The following AFG3L2 variants were observed in gnomAD, a reference collection of about 807,000 sequenced individuals.
The protein encoded by AFG3L2 is AFG3 like matrix AAA peptidase subunit 2, also known as mitochondrial inner membrane m-AAA protease component AFG3L2.
Under a neutral mutation model 94.5 loss-of-function variants are expected in AFG3L2, and 54 were observed. That is an observed-to-expected ratio of 0.57 (90% CI 0.46 to 0.72). AFG3L2 has a LOEUF of 0.72. Ranked by LOEUF, AFG3L2 falls within the 30% of genes least tolerant of loss-of-function variation. AFG3L2 has a pLI of 0.00. For missense variants in AFG3L2, 754 were observed against 994.9 expected (o/e 0.76, Z 3.26); for synonymous variants, 377 against 365.5 (o/e 1.03, Z -0.36).
intron 14 of AFG3L2, 31 bp downstream of exon 14, chr18:12,344,101 C>T (rs1457311735): frequency 6.3e-7 from 1 of 1,580,756 alleles, no homozygotes; most frequent in African/African-American, 1.3e-5. Context: ...CACCCATGCA[C>T]TGGCTGCCTA....
At position 12,363,845 on chromosome 18, in the gene AFG3L2, C is replaced by T. The variant is rs1908731166; in HGVS notation, c.564G>A (p.Leu188=). The T allele has an allele frequency of 6.2e-7, 1 of 1,612,428 alleles. No individual in the cohort carries two copies. The highest frequency in any genetic ancestry group is 1.7e-5 in the Admixed American group (1 of 59,998). ...NYLSKGVVDR[L]EVVNKRFVRV... ...GAACAAAACGCTTGTTGACGACTTC[C>T]AATCTGTCTACCTAGAATTTTAAAA... The change falls in exon 6 of 17, where the codon TTG becomes TTA. Residue 188 remains leucine (L), a synonymous_variant. Coordinates refer to ENST00000269143, the MANE Select transcript of AFG3L2 (RefSeq NM_006796.3).
At chr18:12,362,060 G>A (rs1332913189) in intron 6 of AFG3L2, among the ~76,000 whole-genome samples, 1 of 152,240 alleles carries the variant, frequency 6.6e-6, no homozygotes, top group Non-Finnish European at 1.5e-5. Flanking sequence ...GAACCTCTGT[G>A]GGGATGGGGT....
intron 16 of AFG3L2, among the ~76,000 whole-genome samples, chr18:12,335,556 C>T (rs1481227129): frequency 6.6e-6 from 1 of 152,166 alleles, no homozygotes; most frequent in African/African-American, 2.4e-5. Flanking sequence ...TTCTTTTTCC[C>T]TGGGTACATC....
intron 10 of AFG3L2, 114 bp downstream of exon 10, chr18:12,352,891 G>A (rs1908362681): frequency 2.1e-6 from 3 of 1,438,588 alleles, no homozygotes; most frequent in Non-Finnish European, 2.9e-6. Flanking sequence ...GGGGTCAGAG[G>A]ATGCAGTGAG....
At chr18:12,374,560 G>A (rs945899755) in intron 1 of AFG3L2, among the ~76,000 whole-genome samples, 2 of 152,098 alleles carry the variant, frequency 1.3e-5, no homozygotes, top group African/African-American at 2.4e-5. Context: ...TCAGGACCGC[G>A]AACCCCCACA....
intron 14 of AFG3L2, chr18:12,341,516 T>G (rs1367742792): frequency 6.6e-6 from 1 of 152,166 alleles, no homozygotes; most frequent in Non-Finnish European, 1.5e-5. Flanking sequence ...TGCAAATAAA[T>G]GAAATTGTAT....
Position 12,376,876 on chromosome 18 carries a change from G to A in AFG3L2, c.114+93C>T, listed in dbSNP as rs908794180. 7 of 1,002,584 alleles carry A rather than the reference G, an allele frequency of 7.0e-6. No individual in the cohort carries two copies. In the East Asian group the frequency reaches 1.0e-4, roughly 15 times the overall value. The allele number at this position is 1,002,584 out of a possible 1,614,324, so 62.1% of individuals were successfully genotyped here. A position where few individuals can be genotyped will look rare whatever the true frequency, so the allele number is the denominator to read the frequency against. On this transcript the variant is annotated intron_variant, in intron 1 of 16. Transcript: ENST00000269143. Reference sequence around the variant, plus strand: ...CAGGGACGGCCCGCGTGCGGCCGGAGGGCGGGGGCCAGTGACCTTGACGTC... The same window carrying A: ...CAGGGACGGCCCGCGTGCGGCCGGAAGGCGGGGGCCAGTGACCTTGACGTC...
chr18:12,366,242 T>C lies in AFG3L2; in HGVS notation c.552+723A>G, dbSNP rs1023900604. On this transcript the variant is annotated intron_variant, in intron 5 of 16. Coordinates refer to ENST00000269143, the MANE Select transcript of AFG3L2 (RefSeq NM_006796.3). Reference sequence around the variant, plus strand: ...TCAGAAATGGAGATCCATTTTACAATTGATGGCATGTCATAATTTCATCAG... The same window carrying C: ...TCAGAAATGGAGATCCATTTTACAACTGATGGCATGTCATAATTTCATCAG... Among the ~76,000 whole-genome samples, 22 of 152,234 alleles carry C rather than the reference T, an allele frequency of 1.4e-4. 1 individual carries two copies. Among genetic ancestry groups the C allele is most frequent in the Admixed American group, 8.5e-4 (13 of 15,288 alleles).
intron 9 of AFG3L2, among the ~76,000 whole-genome samples, chr18:12,353,508 C>A (rs1908388367): frequency 1.1e-5 from 1 of 89,538 alleles, no homozygotes; most frequent in African/African-American, 4.3e-5. Flanking sequence ...GAGCGAAATT[C>A]TGTCTCAAAA....
intron 16 of AFG3L2, among the ~76,000 whole-genome samples, chr18:12,335,252 A>C (rs1484512607): frequency 1.3e-5 from 2 of 152,192 alleles, no homozygotes; most frequent in Non-Finnish European, 2.9e-5. Flanking sequence ...CCAACCTGAG[A>C]CAAATGTGTA....
chr18:12,343,106 A>G (rs1321658497), intron 14 of AFG3L2: 3 of 152,210 alleles, frequency 2.0e-5, no homozygotes, highest in East Asian at 3.9e-4. Context: ...GTCCACCTCT[A>G]TTTTTATTTA....
rs146886797 is a variant in AFG3L2 at position 12,370,854 on chromosome 18, T to C, written c.287A>G (p.Lys96Arg). ...ASEPKEVMGE[K>R]KESKPAATTR... is the part of the protein sequence containing the mutation. Reference sequence around the variant, plus strand: ...ATAATATTGTCAAAAGGTACCTTTTTTCTCTCCCATAACTTCTTTAGGTTC... The same window carrying C: ...ATAATATTGTCAAAAGGTACCTTTTCTCTCTCCCATAACTTCTTTAGGTTC... Residue 96 changes from lysine (K) to arginine (R), a missense_variant, in exon 3 of 17, where the codon AAA (lysine) becomes AGA (arginine). Around this residue, in one of 4 missense-constraint regions of AFG3L2, gnomAD observed 236 missense variants for 214.0 expected, o/e 1.10. Transcript: ENST00000269143. 1 of 1,578,350 alleles carries C rather than the reference T, an allele frequency of 6.3e-7. No individual in the cohort carries two copies. Among genetic ancestry groups the C allele is most frequent in the Non-Finnish European group, 8.7e-7 (1 of 1,149,958 alleles).
intron 6 of AFG3L2, among the ~76,000 whole-genome samples, chr18:12,362,739 G>A (rs1431077175): frequency 2.6e-5 from 4 of 152,108 alleles, no homozygotes; most frequent in Non-Finnish European, 4.4e-5. Context: ...ATGGGCCGCT[G>A]GGCTATTTCT....
chr18:12,337,873 G>A (rs1447022883), intron 15 of AFG3L2, among the ~76,000 whole-genome samples: 4 of 152,008 alleles, frequency 2.6e-5, no homozygotes, highest in East Asian at 1.9e-4. Context: ...GAGTTCAAGC[G>A]ATTCTCGAGC....
chr18:12,369,510 C>G (rs2143226180), intron 3 of AFG3L2, among the ~76,000 whole-genome samples: 1 of 152,024 alleles, frequency 6.6e-6, no homozygotes, highest in South Asian at 2.1e-4. Context: ...GCGGGTGGAT[C>G]ACATGAGGTC....
chr18:12,368,288 G>GT (rs1412114247), intron 3 of AFG3L2, among the ~76,000 whole-genome samples: 1 of 152,236 alleles, frequency 6.6e-6, no homozygotes, highest in Non-Finnish European at 1.5e-5. Context: ...GAGTCCTAGA[G>GT]TTTGAGCCTG....
intron 6 of AFG3L2, among the ~76,000 whole-genome samples, chr18:12,361,215 C>CA (rs1908649584): frequency 6.6e-6 from 1 of 152,130 alleles, no homozygotes; most frequent in African/African-American, 2.4e-5. Context: ...ACTAAAACTA[C>CA]AAAAATTAGC....
intron 16 of AFG3L2, among the ~76,000 whole-genome samples, chr18:12,330,264 T>G (rs1449115284): frequency 6.6e-6 from 1 of 151,410 alleles, no homozygotes; most frequent in Non-Finnish European, 1.5e-5. Context: ...AGGCGGAGGT[T>G]GCAGTGAGCC....
chr18:12,337,470 G>A lies in AFG3L2; in HGVS notation c.2046C>T (p.Asp682=). 6.2e-7 allele frequency: 1 copy of A among 1,614,138 alleles called. No homozygotes were observed. ...QISFDLPRQG[D]MVLEKPYSEA... ...CACTGTAAGGTTTCTCCAATACCATGTCCCCCTGACGTGGGAGGTCAAAGG... is the reference window on the plus strand; with the variant it reads ...CACTGTAAGGTTTCTCCAATACCATATCCCCCTGACGTGGGAGGTCAAAGG... The change falls in exon 16 of 17, where the codon GAC becomes GAT. Residue 682 remains aspartate (D), a synonymous_variant. Transcript: ENST00000269143.
Sources: allele counts gnomAD v4.1 joint callset (sites outside exome capture counted in the v4.1 genomes callset), GRCh38; gene constraint gnomAD v4.1.1; regional missense constraint gnomAD v4.1.1; transcripts MANE v1.5; gene names NCBI Gene and HGNC (gene_info 2026-07-23, HGNC 2026-07-21).